The following VSIR variants were observed in gnomAD, a reference collection of about 807,000 sequenced individuals.
VSIR encodes V-type immunoglobulin domain-containing suppressor of T-cell activation.
Under a neutral mutation model 31.0 loss-of-function variants are expected in VSIR, and 10 were observed. The ratio of observed to expected loss-of-function variants is 0.32; its 90% CI spans 0.20 to 0.55. The LOEUF (loss-of-function observed/expected upper bound fraction) is 0.55, where lower values mean the gene tolerates loss of function less well. VSIR is among the 20% of genes least tolerant of loss of function. The pLI, the probability that VSIR is intolerant of heterozygous loss-of-function variation, is 0.93. For missense variants in VSIR, 356 were observed against 416.2 expected (o/e 0.86, Z 1.26); for synonymous variants, 179 against 180.1 (o/e 0.99, Z 0.05).
intron 3 of VSIR, among the ~76,000 whole-genome samples, chr10:71,756,446 A>G (rs1284632379): frequency 6.6e-6 from 1 of 152,232 alleles, no homozygotes; most frequent in Non-Finnish European, 1.5e-5. Context: ...CAGCATAACT[A>G]ATAATGTAGC....
At chr10:71,773,245 G>T in intron 1 of VSIR, 113 bp downstream of exon 1, 1 of 1,235,280 alleles carries the variant, frequency 8.1e-7, no homozygotes, top group Non-Finnish European at 1.1e-6. Flanking sequence ...GGAGTGGGGT[G>T]CACGGTCACA....
At position 71,751,583 on chromosome 10, in the gene VSIR, G is replaced by T. The variant is rs1228624204; in HGVS notation, c.898+85C>A. 3 of 1,443,792 alleles carry T rather than the reference G, an allele frequency of 2.1e-6. No individual in the cohort carries two copies. Among genetic ancestry groups the T allele is most frequent in the Non-Finnish European group, 2.8e-6 (3 of 1,077,740 alleles). The allele number at this position is 1,443,792 out of a possible 1,614,324, so 89.4% of individuals were successfully genotyped here. On this transcript the variant is annotated intron_variant, in intron 6 of 6. Transcript: ENST00000394957. The surrounding 1 kb of genome is among the most constrained non-coding windows in gnomAD (Gnocchi z 4.9). ...GTGAGGCCGTGGAACTCTTCAGGGA[G>T]GGCAGGGAGTGAGGCCGATGCCCTG...
chr10:71,755,544 G>A, intron 3 of VSIR, 78 bp from the exon 4 acceptor site: 2 of 1,341,578 alleles, frequency 1.5e-6, no homozygotes, highest in Non-Finnish European at 2.1e-6. Context: ...GCTCAGAGAG[G>A]GAAGGCCAGG....
chr10:71,771,255 C>T (rs1840677186), intron 1 of VSIR, among the ~76,000 whole-genome samples: 1 of 152,204 alleles, frequency 6.6e-6, no homozygotes, highest in African/African-American at 2.4e-5. Flanking sequence ...CCATCTCACC[C>T]TGAGTCAGGC....
intron 3 of VSIR, among the ~76,000 whole-genome samples, chr10:71,757,835 G>A (rs192767397): frequency 6.6e-6 from 1 of 152,310 alleles, no homozygotes; most frequent in African/African-American, 2.4e-5. Flanking sequence ...ATTCTGCTGC[G>A]CTGGGGGGTG....
At chr10:71,752,062 G>T in intron 5 of VSIR, 1 of 712,224 alleles carries the variant, frequency 1.4e-6, no homozygotes, top group Non-Finnish European at 2.5e-6. Context: ...GTCCTGAGCT[G>T]AGGGCATCAG....
chr10:71,754,729 C>T (rs1840089471), intron 4 of VSIR, among the ~76,000 whole-genome samples: 1 of 152,192 alleles, frequency 6.6e-6, no homozygotes, highest in Non-Finnish European at 1.5e-5. Flanking sequence ...GGACCAAATT[C>T]TTGGACTTGC....
Position 71,751,906 on chromosome 10 carries a change from G to C in VSIR, c.705-45C>G, listed in dbSNP as rs369048655. On this transcript the variant is annotated intron_variant, in intron 5 of 6. Coordinates refer to ENST00000394957, the MANE Select transcript of VSIR (RefSeq NM_022153.2). The surrounding 1 kb of genome is among the most constrained non-coding windows in gnomAD (Gnocchi z 4.9). ...GAAGGTCATCTGTGCTGTCCGGAGC[G>C]TGAACTCTGCCCTCCCTGCCCCCAG... 4 of 1,527,602 alleles carry C rather than the reference G, an allele frequency of 2.6e-6. No homozygotes were observed. Among genetic ancestry groups the C allele is most frequent in the Non-Finnish European group, 3.5e-6 (4 of 1,129,778 alleles). The allele number at this position is 1,527,602 out of a possible 1,614,324, so 94.6% of individuals were successfully genotyped here.
chr10:71,761,523 G>A, intron 2 of VSIR, 75 bp downstream of exon 2: 3 of 1,443,866 alleles, frequency 2.1e-6, no homozygotes, highest in South Asian at 1.4e-5. Context: ...GCCCAGCACA[G>A]TGTCATGAAT....
chr10:71,759,872 T>TAC (rs1171869977), intron 3 of VSIR, among the ~76,000 whole-genome samples: 1 of 34,866 alleles, frequency 2.9e-5, no homozygotes, highest in Non-Finnish European at 7.5e-5. Flanking sequence ...CACATATATA[T>TAC]ACACACACAC....
Position 71,773,367 on chromosome 10 carries a change from C to T in VSIR, c.73G>A (p.Ala25Thr), listed in dbSNP as rs146887444. Residue 25 changes from alanine (A) to threonine (T), a missense_variant, in exon 1 of 7, where the codon GCG becomes ACG. Coordinates refer to ENST00000394957, the MANE Select transcript of VSIR (RefSeq NM_022153.2). Reference protein sequence around the residue: ...GSLLFALFLAASLGPVAAFKV... With the variant: ...GSLLFALFLATSLGPVAAFKV... Reference sequence around the variant, plus strand: ...CCTCCCCCGACCTTACCTAGGGACGCAGCCAGGAAGAGAGCGAAGAGCAGG... The same window carrying T: ...CCTCCCCCGACCTTACCTAGGGACGTAGCCAGGAAGAGAGCGAAGAGCAGG... The T allele has an allele frequency of 4.5e-4, 721 of 1,608,502 alleles. 4 individuals carry two copies. The Middle Eastern group carries it at 5.3e-3, about 12-fold the overall frequency.
chr10:71,753,814 G>A (rs139334054), intron 4 of VSIR: 57 of 456,510 alleles, frequency 1.2e-4, no homozygotes, highest in Non-Finnish European at 2.5e-4. Context: ...ACACAGGGAA[G>A]TTACCCAAAA....
chr10:71,770,693 C>T lies in VSIR; in HGVS notation c.82+2665G>A, dbSNP rs535297685. ...CTTTCATCTGCTCAGGCCTAACACCCCATACACTGTGTGCGGATAGGGAGG... is the reference window on the plus strand; with the variant it reads ...CTTTCATCTGCTCAGGCCTAACACCTCATACACTGTGTGCGGATAGGGAGG... On this transcript the variant is annotated intron_variant, in intron 1 of 6. Transcript: ENST00000394957. Among the ~76,000 whole-genome samples, 144 of 152,328 alleles carry T rather than the reference C, an allele frequency of 9.5e-4. 1 individual carries two copies. Among genetic ancestry groups the T allele is most frequent in the African/African-American group, 3.3e-3 (137 of 41,580 alleles).
chr10:71,756,601 C>T (rs998979597), intron 3 of VSIR, among the ~76,000 whole-genome samples: 8 of 152,208 alleles, frequency 5.3e-5, no homozygotes, highest in African/African-American at 1.9e-4. Flanking sequence ...CACGAAGCTT[C>T]GCTGTCCCAA....
At chr10:71,760,948 A>G (rs768732460) in intron 2 of VSIR, 24 bp from the exon 3 acceptor site, 7 of 1,612,784 alleles carry the variant, frequency 4.3e-6, no homozygotes, top group East Asian at 2.2e-5. Context: ...CAGAAGGGCC[A>G]TTAGGTGGGT....
intron 4 of VSIR, chr10:71,755,122 G>A (rs930092107): frequency 9.1e-5 from 59 of 649,540 alleles, no homozygotes; most frequent in Admixed American, 2.1e-4. Context: ...ATTGAGTGCC[G>A]AGCCAGCACT....
In VSIR at chr10:71,747,962, G is replaced by C. The variant is rs1480331820; in HGVS notation, c.*3291C>G. 1.3e-5 allele frequency: 2 copies of C among 152,326 alleles called. No individual in the cohort carries two copies. The highest frequency in any genetic ancestry group is 2.4e-5 in the African/African-American group (1 of 41,470). The allele number at this position is 152,326 out of a possible 1,614,324, so 9.4% of individuals were successfully genotyped here. A position where few individuals can be genotyped will look rare whatever the true frequency, so the allele number is the denominator to read the frequency against. Reference sequence around the variant, plus strand: ...GCCAGGTGGCCTGTGCCGTCTATGGGCTGGGCCTCATGCTCAGCTGGGCTG... The same window carrying C: ...GCCAGGTGGCCTGTGCCGTCTATGGCCTGGGCCTCATGCTCAGCTGGGCTG... On this transcript the variant is annotated 3_prime_UTR_variant, in exon 7 of 7. Coordinates refer to ENST00000394957, the MANE Select transcript of VSIR (RefSeq NM_022153.2).
At chr10:71,765,779 T>C (rs1405345958) in intron 1 of VSIR, among the ~76,000 whole-genome samples, 1 of 151,988 alleles carries the variant, frequency 6.6e-6, no homozygotes, top group Non-Finnish European at 1.5e-5. Flanking sequence ...GTTCCCCTTT[T>C]AGAAAAAAGC....
intron 3 of VSIR, among the ~76,000 whole-genome samples, chr10:71,759,884 C>CATAT (rs377560344): frequency 0.05 from 2,458 of 48,718 alleles, 183 homozygotes; most frequent in Middle Eastern, 0.09. Context: ...CACACACACA[C>CATAT]ATATACACAC....
Sources: allele counts gnomAD v4.1 joint callset (sites outside exome capture counted in the v4.1 genomes callset), GRCh38; gene constraint gnomAD v4.1.1; non-coding constraint Gnocchi (gnomAD v3.1); transcripts MANE v1.5; gene names NCBI Gene and HGNC (gene_info 2026-07-23, HGNC 2026-07-21).